ART3: variants seen among roughly 807,000 people sequenced by gnomAD.
ART3 encodes the protein ecto-ADP-ribosyltransferase 3.
In ART3, 49 loss-of-function variants were observed where a neutral mutation model predicts 48.5. The observed-to-expected ratio is 1.01, with a 90% CI of 0.80 to 1.28. The LOEUF (loss-of-function observed/expected upper bound fraction) is 1.28, where lower values mean the gene tolerates loss of function less well. Ranked by LOEUF, ART3 falls within the 50% of genes most tolerant of loss-of-function variation. ART3 has a pLI of 0.00. For missense variants in ART3, 438 were observed against 454.3 expected (o/e 0.96, Z 0.33); for synonymous variants, 145 against 157.2 (o/e 0.92, Z 0.58).
chr4:76,018,686 G>A (rs1363945791), intron 1 of ART3, among the ~76,000 whole-genome samples: 1 of 152,178 alleles, frequency 6.6e-6, no homozygotes. Context: ...CAAGTTTACT[G>A]TATTTTACAT....
intron 3 of ART3, among the ~76,000 whole-genome samples, chr4:76,093,258 C>A (rs1202794337): frequency 1.3e-5 from 2 of 151,880 alleles, no homozygotes; most frequent in South Asian, 2.1e-4. Flanking sequence ...CCTGTCTCTA[C>A]AAAAAATAAA....
At chr4:76,094,431 G>A (rs973549963) in intron 3 of ART3, among the ~76,000 whole-genome samples, 3 of 152,166 alleles carry the variant, frequency 2.0e-5, no homozygotes, top group Non-Finnish European at 2.9e-5. Context: ...GGTGCCAGAT[G>A]CTGTGAATTT....
In ART3 at chr4:76,017,707, A is replaced by G. The variant is rs372789432; in HGVS notation, c.-10+6387A>G. ...CCTAGACTGCCTTTCAGATTTATTT[A>G]GGACCCCAGAGCACTTTAGCGAGCA... is the stretch of plus-strand genomic sequence containing the variant. On this transcript the variant is annotated intron_variant, in intron 1 of 9. Transcript: ENST00000341029. Among the ~76,000 whole-genome samples the G allele has an allele frequency of 1.3e-3, 199 of 152,330 alleles. 3 individuals carry two copies. Among genetic ancestry groups the G allele is most frequent in the African/African-American group, 4.4e-3 (184 of 41,580 alleles).
At chr4:76,028,637 A>G (rs992685819) in intron 1 of ART3, among the ~76,000 whole-genome samples, 8 of 152,258 alleles carry the variant, frequency 5.3e-5, no homozygotes, top group Non-Finnish European at 1.2e-4. Flanking sequence ...TGCCTTGGAA[A>G]GTATGGGAGA....
intron 1 of ART3, among the ~76,000 whole-genome samples, chr4:76,042,034 A>G (rs7679689): frequency 0.11 from 17,178 of 152,224 alleles, 1,178 homozygotes; most frequent in African/African-American, 0.18. Flanking sequence ...AGGTTCACCC[A>G]CTTAAATAAG....
chr4:76,013,702 C>T (rs1342418380), intron 1 of ART3, among the ~76,000 whole-genome samples: 2 of 152,136 alleles, frequency 1.3e-5, no homozygotes, highest in African/African-American at 4.8e-5. Context: ...GGTTAAAAAA[C>T]GTTTCTGTAT....
chr4:76,016,800 C>T (rs1458530230), intron 1 of ART3, among the ~76,000 whole-genome samples: 1 of 152,202 alleles, frequency 6.6e-6, no homozygotes, highest in African/African-American at 2.4e-5. Context: ...CAAAGTCTTT[C>T]CCATTCCTCC....
intron 1 of ART3, chr4:76,035,900 G>A (rs374075849): frequency 1.9e-6 from 3 of 1,598,298 alleles, no homozygotes; most frequent in African/African-American, 1.3e-5. Flanking sequence ...GGAACTTATA[G>A]GTTGAGAAAT....
At chr4:76,081,355 C>T (rs915328959) in intron 2 of ART3, among the ~76,000 whole-genome samples, 3 of 152,268 alleles carry the variant, frequency 2.0e-5, no homozygotes, top group Non-Finnish European at 2.9e-5. Context: ...CTACCCAGGC[C>T]ATATGGACAA....
At chr4:76,086,323 C>G (rs1046038104) in intron 3 of ART3, among the ~76,000 whole-genome samples, 1 of 152,032 alleles carries the variant, frequency 6.6e-6, no homozygotes, top group Non-Finnish European at 1.5e-5. Context: ...CTGCCATTTG[C>G]CACAACATGG....
intron 1 of ART3, chr4:76,022,467 A>T: frequency 6.2e-7 from 1 of 1,607,712 alleles, no homozygotes; most frequent in Non-Finnish European, 8.5e-7. Context: ...TGTAGAAATA[A>T]ATAGGGATGA....
chr4:76,097,946 C>T (rs1215567238), intron 4 of ART3, among the ~76,000 whole-genome samples: 1 of 152,178 alleles, frequency 6.6e-6, no homozygotes, highest in Non-Finnish European at 1.5e-5. Flanking sequence ...GAAGGGAACA[C>T]GCCACTGTCA....
intron 1 of ART3, among the ~76,000 whole-genome samples, chr4:76,040,127 C>T (rs979734541): frequency 2.6e-5 from 4 of 152,124 alleles, no homozygotes; most frequent in Admixed American, 2.6e-4. Context: ...GAGTTCGAGA[C>T]CAGCCTGGCC....
intron 1 of ART3, among the ~76,000 whole-genome samples, chr4:76,036,424 A>G: frequency 6.6e-6 from 1 of 152,162 alleles, no homozygotes; most frequent in East Asian, 1.9e-4. Context: ...TCACATATCT[A>G]TACAAAATAA....
rs553082896 is a variant in ART3 at position 76,045,812 on chromosome 4, A to C, written c.-9-30069A>C. ...TATCTTGCTGTATCTGGAGATCCATAGTCAGCAAAAGCCAGTAATTCCAAG... is the reference window on the plus strand; with the variant it reads ...TATCTTGCTGTATCTGGAGATCCATCGTCAGCAAAAGCCAGTAATTCCAAG... On this transcript the variant is annotated intron_variant, in intron 1 of 9. Coordinates refer to the ART3 transcript ENST00000341029. Among the ~76,000 whole-genome samples, 9 of 152,114 alleles carry C rather than the reference A, an allele frequency of 5.9e-5. No individual in the cohort carries two copies. In the East Asian group the frequency reaches 1.7e-3, roughly 29 times the overall value.
chr4:76,035,411 T>C (rs1734291071), intron 1 of ART3: 4 of 1,523,286 alleles, frequency 2.6e-6, no homozygotes, highest in Non-Finnish European at 3.6e-6. Context: ...TTATAGCTGG[T>C]GGTGAACGTG....
chr4:76,041,609 A>G (rs965870658), intron 1 of ART3, among the ~76,000 whole-genome samples: 2 of 92,452 alleles, frequency 2.2e-5, no homozygotes, highest in Admixed American at 1.4e-4. Context: ...TTAATTAAGC[A>G]TGAAAATATA....
chr4:76,024,908 T>C lies in ART3; in HGVS notation c.-10+13588T>C, dbSNP rs114754711. On this transcript the variant is annotated intron_variant, in intron 1 of 9. Transcript: ENST00000341029. ...AAGAATAAAGCCTGTATCTGCAAAC[T>C]GGGTGCACATAAAACTTGGATCCTC... is the stretch of plus-strand genomic sequence containing the variant. Among the ~76,000 whole-genome samples the C allele has an allele frequency of 3.0e-3, 450 of 152,274 alleles. 2 individuals are homozygous for C. The highest frequency in any genetic ancestry group is 0.01 in the African/African-American group (428 of 41,554).
chr4:76,077,934 T>C (rs1721495632), intron 2 of ART3, among the ~76,000 whole-genome samples: 1 of 152,240 alleles, frequency 6.6e-6, no homozygotes, highest in South Asian at 2.1e-4. Context: ...TTTGATTTGG[T>C]TTTCAATATA....
Sources: gnomAD v4.1 joint callset for allele counts (sites outside exome capture counted in the v4.1 genomes callset) on GRCh38, gnomAD v4.1.1 for gene constraint, MANE v1.5 for transcripts, NCBI Gene and HGNC (gene_info 2026-07-23, HGNC 2026-07-21) for gene names.